GATAD2B: variants seen among roughly 807,000 people sequenced by gnomAD.
GATAD2B encodes the protein transcriptional repressor p66-beta.
GATAD2B carries 8 observed loss-of-function variants against 64.3 expected under a neutral mutation model. The observed-to-expected ratio is 0.12, with a 90% CI of 0.07 to 0.22. The LOEUF (loss-of-function observed/expected upper bound fraction) is 0.22. Ranked by LOEUF, GATAD2B falls within the 10% of genes least tolerant of loss-of-function variation. The probability of loss-of-function intolerance (pLI) is 1.00; values close to 1 mark genes in which losing one functional copy is unlikely to be tolerated. For missense variants in GATAD2B, 453 were observed against 752.0 expected (o/e 0.60, Z 4.65); for synonymous variants, 281 against 271.3 (o/e 1.04, Z -0.35).
intron 1 of GATAD2B, among the ~76,000 whole-genome samples, chr1:153,850,852 C>T (rs1023357521): frequency 7.3e-5 from 11 of 151,426 alleles, no homozygotes; most frequent in Non-Finnish European, 1.3e-4. Flanking sequence ...ACCTAGGAGG[C>T]GGAGGTTGCA....
intron 1 of GATAD2B, among the ~76,000 whole-genome samples, chr1:153,893,313 A>C (rs1677479397): frequency 6.6e-6 from 1 of 152,198 alleles, no homozygotes; most frequent in Non-Finnish European, 1.5e-5. Context: ...CACCTTAAAA[A>C]GTTTATCCCA....
Position 153,816,897 on chromosome 1 carries a change from A to C in GATAD2B, c.901-309T>G, listed in dbSNP as rs1333454534. On this transcript the variant is annotated intron_variant, in intron 6 of 10. Transcript: ENST00000368655. The surrounding 1 kb of genome is among the most constrained non-coding windows in gnomAD (Gnocchi z 4.9). The stretch of plus-strand genomic sequence containing the variant: ...TGAGGAGTTTGAGACCAGCCTGGCC[A>C]ACATGGTCAAACTCTGTCTCTACGA... 6.6e-6 allele frequency among the ~76,000 whole-genome samples: 1 copy of C among 152,184 alleles called. No individual in the cohort carries two copies. Among genetic ancestry groups the C allele is most frequent in the African/African-American group, 2.4e-5 (1 of 41,444 alleles).
chr1:153,913,504 G>A (rs1410170243), intron 1 of GATAD2B, among the ~76,000 whole-genome samples: 1 of 152,160 alleles, frequency 6.6e-6, no homozygotes, highest in Non-Finnish European at 1.5e-5. Context: ...CACCAGCTCA[G>A]TTACAACTAT....
At chr1:153,815,571 C>G (rs1674450565) in intron 7 of GATAD2B, among the ~76,000 whole-genome samples, 1 of 151,646 alleles carries the variant, frequency 6.6e-6, no homozygotes, top group Admixed American at 6.6e-5. Context: ...TAAGTGAGAA[C>G]TTACTGTCCT....
At chr1:153,850,036 A>G (rs1675833759) in intron 1 of GATAD2B, among the ~76,000 whole-genome samples, 1 of 152,036 alleles carries the variant, frequency 6.6e-6, no homozygotes, top group Non-Finnish European at 1.5e-5. Context: ...ATGGTAAATG[A>G]GCTGTTTTCT....
chr1:153,817,302 G>T (rs1674509795), intron 6 of GATAD2B, 70 bp downstream of exon 6: 2 of 1,391,648 alleles, frequency 1.4e-6, no homozygotes, highest in Non-Finnish European at 1.9e-6. Flanking sequence ...TAAAACCTAT[G>T]GCCCTTTCGA....
intron 1 of GATAD2B, among the ~76,000 whole-genome samples, chr1:153,878,769 T>C (rs538705897): frequency 7.2e-6 from 1 of 139,012 alleles, no homozygotes; most frequent in East Asian, 2.1e-4. Context: ...ACCCATACTT[T>C]ATTCCTTTTT....
At chr1:153,822,754 C>T (rs1674727393) in intron 2 of GATAD2B, among the ~76,000 whole-genome samples, 2 of 152,182 alleles carry the variant, frequency 1.3e-5, no homozygotes, top group Admixed American at 6.5e-5. Flanking sequence ...GCCTCAGCCT[C>T]CCAAAGAGCT....
At chr1:153,836,263 GTTTTTTT>G (rs754264117) in intron 1 of GATAD2B, among the ~76,000 whole-genome samples, 1 of 106,578 alleles carries the variant, frequency 9.4e-6, no homozygotes, top group African/African-American at 3.3e-5. Context: ...AAAAAAATTT[GTTTTTTT>G]TTTTTTTTTT....
intron 1 of GATAD2B, among the ~76,000 whole-genome samples, chr1:153,834,103 T>C (rs1364662433): frequency 6.6e-6 from 1 of 151,774 alleles, no homozygotes; most frequent in African/African-American, 2.4e-5. Context: ...CCTGGGTTCA[T>C]GCCATTCTCC....
At chr1:153,867,618 G>T (rs1044007614) in intron 1 of GATAD2B, among the ~76,000 whole-genome samples, 2 of 152,162 alleles carry the variant, frequency 1.3e-5, no homozygotes, top group Admixed American at 1.3e-4. Flanking sequence ...CCAGCACTTT[G>T]GGAGGCTGAG....
Position 153,809,995 on chromosome 1 carries a change from G to C in GATAD2B, c.*182C>G, listed in dbSNP as rs1309864282. 3.4e-6 allele frequency: 2 copies of C among 581,710 alleles called. No homozygotes were observed. Among genetic ancestry groups the C allele is most frequent in the Non-Finnish European group, 6.0e-6 (2 of 330,908 alleles). The allele number at this position is 581,710 out of a possible 1,614,324, so 36.0% of individuals were successfully genotyped here. A position where few individuals can be genotyped will look rare whatever the true frequency, so the allele number is the denominator to read the frequency against. On this transcript the variant is annotated 3_prime_UTR_variant, in exon 11 of 11. Coordinates refer to ENST00000368655, the MANE Select transcript of GATAD2B (RefSeq NM_020699.4). ...AGATCGCAGCAGTGTGAAATAAAGGGGAGGTGGCAGGGCAGGGCGTGTGTT... is the reference window on the plus strand; with the variant it reads ...AGATCGCAGCAGTGTGAAATAAAGGCGAGGTGGCAGGGCAGGGCGTGTGTT...
At chr1:153,825,635 A>G (rs1011439930) in intron 2 of GATAD2B, among the ~76,000 whole-genome samples, 1 of 152,184 alleles carries the variant, frequency 6.6e-6, no homozygotes, top group Non-Finnish European at 1.5e-5. Context: ...CATGTTGGCC[A>G]GGCTGGTCTC....
chr1:153,867,559 A>C (rs552185873), intron 1 of GATAD2B, among the ~76,000 whole-genome samples: 1 of 152,064 alleles, frequency 6.6e-6, no homozygotes, highest in Non-Finnish European at 1.5e-5. Flanking sequence ...CAGTAACTAA[A>C]AGAGTCACAT....
In GATAD2B at chr1:153,816,143, G is replaced by C; in HGVS notation, c.1216+130C>G. ...TGCTCCCAAACAGCTGTAAAGAAGG[G>C]AGGGAGGTGGTTTGGTAACAGGAAG... is the stretch of plus-strand genomic sequence containing the variant. On this transcript the variant is annotated intron_variant, in intron 7 of 10. Coordinates refer to ENST00000368655, the MANE Select transcript of GATAD2B (RefSeq NM_020699.4). The surrounding 1 kb of genome is among the most constrained non-coding windows in gnomAD (Gnocchi z 4.9). 1.6e-6 allele frequency: 1 copy of C among 635,680 alleles called. No homozygotes were observed. 39.4% of individuals were successfully genotyped at this position (635,680 alleles called of 1,614,324 possible).
intron 2 of GATAD2B, among the ~76,000 whole-genome samples, chr1:153,820,576 G>GA (rs1190392679): frequency 6.6e-6 from 1 of 152,070 alleles, no homozygotes; most frequent in Non-Finnish European, 1.5e-5. Context: ...TACTTTCCTT[G>GA]AGATTGTCAG....
intron 1 of GATAD2B, among the ~76,000 whole-genome samples, chr1:153,856,674 C>A (rs756624602): frequency 6.6e-6 from 1 of 152,048 alleles, no homozygotes; most frequent in Non-Finnish European, 1.5e-5. Flanking sequence ...CTTTGGGAAA[C>A]TGAGGTGGAA....
intron 1 of GATAD2B, among the ~76,000 whole-genome samples, chr1:153,884,078 C>T (rs1190518149): frequency 6.6e-6 from 1 of 152,044 alleles, no homozygotes; most frequent in Non-Finnish European, 1.5e-5. Flanking sequence ...GGGCAGACCA[C>T]CTGAGGCCCG....
At chr1:153,911,515 G>GC (rs1332686197) in intron 1 of GATAD2B, among the ~76,000 whole-genome samples, 1 of 151,934 alleles carries the variant, frequency 6.6e-6, no homozygotes, top group African/African-American at 2.4e-5. Context: ...CGGGTGGATC[G>GC]CCTGAGGTCA....
Sources: gnomAD v4.1 joint callset for allele counts (sites outside exome capture counted in the v4.1 genomes callset) on GRCh38, gnomAD v4.1.1 for gene constraint, Gnocchi (gnomAD v3.1) non-coding constraint, MANE v1.5 for transcripts, NCBI Gene and HGNC (gene_info 2026-07-23, HGNC 2026-07-21) for gene names.